The following SPAST variants were observed in gnomAD, a reference collection of about 807,000 sequenced individuals.
SPAST encodes spastin, also known as spastic paraplegia 4 (autosomal dominant; spastin).
A neutral mutation model predicts 76.6 loss-of-function variants in SPAST; 30 were observed. The ratio of observed to expected loss-of-function variants is 0.39; its 90% CI spans 0.29 to 0.53. The LOEUF (loss-of-function observed/expected upper bound fraction) is 0.53, where lower values mean the gene tolerates loss of function less well. SPAST is among the 20% of genes least tolerant of loss of function. SPAST has a pLI of 0.68. For missense variants in SPAST, 717 were observed against 770.5 expected (o/e 0.93, Z 0.82); for synonymous variants, 305 against 281.0 (o/e 1.09, Z -0.86).
At chr2:32,118,311 T>G (rs1573125286) in intron 7 of SPAST, among the ~76,000 whole-genome samples, 1 of 152,238 alleles carries the variant, frequency 6.6e-6, no homozygotes. Flanking sequence ...ACTTACTGAA[T>G]ATTTTTCAAG....
chr2:32,135,310 T>G (rs1034584914), intron 9 of SPAST, among the ~76,000 whole-genome samples: 6 of 151,600 alleles, frequency 4.0e-5, no homozygotes, highest in Admixed American at 2.6e-4. Flanking sequence ...TTTGTATTTT[T>G]AGTAGAGACG....
At chr2:32,145,460 C>T (rs1010470288) in intron 15 of SPAST, among the ~76,000 whole-genome samples, 4 of 152,114 alleles carry the variant, frequency 2.6e-5, no homozygotes, top group African/African-American at 9.7e-5. Context: ...ACTGTGACCC[C>T]TGTTCTAGGC....
intron 5 of SPAST, 65 bp downstream of exon 5, chr2:32,114,890 T>A: frequency 2.6e-6 from 3 of 1,169,074 alleles, no homozygotes; most frequent in South Asian, 2.4e-5. Context: ...AAGATACTAT[T>A]CCTGCTTAAG....
intron 16 of SPAST, among the ~76,000 whole-genome samples, chr2:32,147,618 T>TTTTG (rs71407418): frequency 1.8e-3 from 210 of 118,960 alleles, no homozygotes; most frequent in Middle Eastern, 4.5e-3. Flanking sequence ...CATCTGGCTG[T>TTTTG]TTTGTTTGTT....
intron 6 of SPAST, 107 bp downstream of exon 6, chr2:32,115,942 A>G: frequency 9.8e-7 from 1 of 1,015,898 alleles, no homozygotes; most frequent in Non-Finnish European, 1.5e-6. Flanking sequence ...TCTGGTTTAC[A>G]TACTTAATTT....
chr2:32,066,676 A>G (rs867981966), intron 1 of SPAST, among the ~76,000 whole-genome samples: 4 of 151,856 alleles, frequency 2.6e-5, no homozygotes, highest in Non-Finnish European at 5.9e-5. Context: ...TTGAAAAAAA[A>G]AAGTAGGTCA....
chr2:32,072,550 T>G (rs1310378313), intron 1 of SPAST, among the ~76,000 whole-genome samples: 1 of 152,182 alleles, frequency 6.6e-6, no homozygotes, highest in East Asian at 1.9e-4. Flanking sequence ...GAACTAGTTT[T>G]TTAGGTTAAC....
chr2:32,105,397 A>G (rs571913049), intron 4 of SPAST, among the ~76,000 whole-genome samples: 57 of 152,226 alleles, frequency 3.7e-4, no homozygotes, highest in African/African-American at 9.9e-4. Flanking sequence ...ATGGTTTCGA[A>G]CATCCTCCTT....
At chr2:32,085,031 G>A (rs1186457205) in intron 1 of SPAST, among the ~76,000 whole-genome samples, 1 of 151,060 alleles carries the variant, frequency 6.6e-6, no homozygotes, top group Admixed American at 6.6e-5. Context: ...CACTTTTGTT[G>A]CCACTCAGAA....
chr2:32,074,746 A>G (rs866462483), intron 1 of SPAST, among the ~76,000 whole-genome samples: 1 of 152,002 alleles, frequency 6.6e-6, no homozygotes, highest in Non-Finnish European at 1.5e-5. Flanking sequence ...ACCTCAAGCA[A>G]TCCATCTGCC....
Position 32,124,258 on chromosome 2 carries a change from C to T in SPAST, c.1099-2690C>T, listed in dbSNP as rs1048811418. On this transcript the variant is annotated intron_variant, in intron 7 of 16. Transcript: ENST00000315285. ...AGGAAGATAGATAGATGACAACAAG[C>T]ATATGAATATATGCTCAACATCATG... Among the ~76,000 whole-genome samples, 3 of 152,240 alleles carry T rather than the reference C, an allele frequency of 2.0e-5. No homozygotes were observed. The South Asian group carries it at 6.2e-4, about 32-fold the overall frequency.
At chr2:32,106,006 A>AACTTCTACAGC (rs1678305987) in intron 4 of SPAST, among the ~76,000 whole-genome samples, 1 of 152,124 alleles carries the variant, frequency 6.6e-6, no homozygotes, top group Non-Finnish European at 1.5e-5. Context: ...AGGGACCTTT[A>AACTTCTACAGC]AGTCTGTAGA....
chr2:32,101,876 A>G (rs1678139776), intron 4 of SPAST, among the ~76,000 whole-genome samples: 1 of 152,082 alleles, frequency 6.6e-6, no homozygotes. Flanking sequence ...TGATTACTGT[A>G]CCTTCGTAGT....
intron 4 of SPAST, among the ~76,000 whole-genome samples, chr2:32,114,006 C>T (rs1369779277): frequency 1.3e-5 from 2 of 151,770 alleles, no homozygotes; most frequent in Admixed American, 6.6e-5. Context: ...TGCAGTGGCA[C>T]GATCTCGGCT....
At chr2:32,075,936 T>G (rs1442653783) in intron 1 of SPAST, among the ~76,000 whole-genome samples, 1 of 137,080 alleles carries the variant, frequency 7.3e-6, no homozygotes, top group African/African-American at 2.7e-5. Context: ...AGTCTCGCTC[T>G]GTCGCCCAGG....
chr2:32,151,914 A>G (rs1308621687), intron 16 of SPAST, among the ~76,000 whole-genome samples: 5 of 147,160 alleles, frequency 3.4e-5, no homozygotes, highest in African/African-American at 1.2e-4. Context: ...TCCATCTCCA[A>G]AAAAAAAAAA....
At chr2:32,152,994 T>A (rs749869991) in intron 16 of SPAST, among the ~76,000 whole-genome samples, 62 of 152,206 alleles carry the variant, frequency 4.1e-4, no homozygotes, top group Non-Finnish European at 7.8e-4. Flanking sequence ...GTGATCCACT[T>A]GCTTCAGCCT....
At chr2:32,118,779 T>A (rs965238240) in intron 7 of SPAST, among the ~76,000 whole-genome samples, 2 of 152,178 alleles carry the variant, frequency 1.3e-5, no homozygotes, top group Non-Finnish European at 2.9e-5. Flanking sequence ...CATTTATTTA[T>A]TAAGGGACAT....
At chr2:32,149,799 A>G (rs942010637) in intron 16 of SPAST, among the ~76,000 whole-genome samples, 1 of 152,162 alleles carries the variant, frequency 6.6e-6, no homozygotes, top group African/African-American at 2.4e-5. Context: ...CATTTTACAT[A>G]AGGGACTTTA....
Sources: allele counts gnomAD v4.1 joint callset (sites outside exome capture counted in the v4.1 genomes callset), GRCh38; gene constraint gnomAD v4.1.1; transcripts MANE v1.5; gene names NCBI Gene and HGNC (gene_info 2026-07-23, HGNC 2026-07-21).